GALNT13: variants seen among roughly 807,000 people sequenced by gnomAD.
GALNT13 encodes polypeptide N-acetylgalactosaminyltransferase 13.
A neutral mutation model predicts 64.2 loss-of-function variants in GALNT13; 28 were observed. The ratio of observed to expected loss-of-function variants is 0.44; its 90% CI spans 0.32 to 0.60. The LOEUF (loss-of-function observed/expected upper bound fraction) is 0.60, where lower values mean the gene tolerates loss of function less well. Ranked by LOEUF, GALNT13 falls within the 20% of genes least tolerant of loss-of-function variation. The probability of loss-of-function intolerance (pLI) is 0.05; values close to 1 mark genes in which losing one functional copy is unlikely to be tolerated. For missense variants in GALNT13, 577 were observed against 669.8 expected (o/e 0.86, Z 1.53); for synonymous variants, 214 against 224.6 (o/e 0.95, Z 0.42).
chr2:153,158,836 G>C, the GALNT13 span: 2 of 152,236 alleles, frequency 1.3e-5, no homozygotes, highest in Admixed American at 6.5e-5. Context: ...AGCTGAGACA[G>C]AATGATGTTC....
chr2:153,777,027 C>T, the GALNT13 span, among the ~76,000 whole-genome samples: 5 of 151,744 alleles, frequency 3.3e-5, no homozygotes, highest in African/African-American at 1.2e-4. Context: ...AGTGTTTTTC[C>T]TGTTTTTTGT....
the GALNT13 span, among the ~76,000 whole-genome samples, chr2:153,438,355 G>C: frequency 6.6e-6 from 1 of 152,108 alleles, no homozygotes; most frequent in African/African-American, 2.4e-5. Context: ...TGTATTTCCT[G>C]AACTTGAGTG....
At chr2:153,617,687 C>CT in the GALNT13 span, among the ~76,000 whole-genome samples, 369 of 150,030 alleles carry the variant, frequency 2.5e-3, no homozygotes, top group African/African-American at 6.5e-3. Context: ...GGGTCCCAGG[C>CT]TTTTTTTTTA....
chr2:153,421,731 G>T, the GALNT13 span: 56 of 266,936 alleles, frequency 2.1e-4, no homozygotes, highest in Non-Finnish European at 4.0e-4. Context: ...AGGTGCCAGT[G>T]CAAACTTCAT....
At chr2:153,207,906 C>A in the GALNT13 span, among the ~76,000 whole-genome samples, 3 of 152,094 alleles carry the variant, frequency 2.0e-5, no homozygotes, top group South Asian at 2.1e-4. Flanking sequence ...AAGAGACAAC[C>A]TTTTCTTGCC....
At chr2:153,556,611 C>A in the GALNT13 span, among the ~76,000 whole-genome samples, 1 of 152,136 alleles carries the variant, frequency 6.6e-6, no homozygotes, top group South Asian at 2.1e-4. Context: ...CTTTTTCAAG[C>A]CATATTCTGA....
the GALNT13 span, among the ~76,000 whole-genome samples, chr2:153,209,069 C>A: frequency 2.0e-5 from 3 of 148,516 alleles, no homozygotes; most frequent in African/African-American, 4.9e-5. Context: ...AACTCTGCCT[C>A]CCGGTTCACG....
At chr2:153,251,627 C>A in the GALNT13 span, among the ~76,000 whole-genome samples, 4 of 117,840 alleles carry the variant, frequency 3.4e-5, no homozygotes, top group Admixed American at 1.0e-4. Context: ...CCCCTCCCCC[C>A]ACCCCACCAC....
intron 4 of GALNT13, among the ~76,000 whole-genome samples, chr2:154,202,318 A>C: frequency 6.6e-6 from 1 of 152,086 alleles, no homozygotes; most frequent in Non-Finnish European, 1.5e-5. Flanking sequence ...ACATATAGTA[A>C]GTACTGTATG....
intron 9 of GALNT13, among the ~76,000 whole-genome samples, chr2:154,335,458 G>A (rs1695392026): frequency 1.3e-5 from 2 of 151,868 alleles, no homozygotes; most frequent in Non-Finnish European, 2.9e-5. Context: ...AGGGGGTGGG[G>A]AATTTTCTGC....
At chr2:153,664,795 C>T in the GALNT13 span, among the ~76,000 whole-genome samples, 3 of 152,150 alleles carry the variant, frequency 2.0e-5, no homozygotes, top group African/African-American at 7.2e-5. Flanking sequence ...TGACTTCCCG[C>T]AACAATGAGT....
At chr2:153,591,257 A>C in the GALNT13 span, among the ~76,000 whole-genome samples, 1 of 152,136 alleles carries the variant, frequency 6.6e-6, no homozygotes, top group Non-Finnish European at 1.5e-5. Flanking sequence ...CAAGGAGATA[A>C]AAAACCTCTA....
chr2:154,139,382 T>G (rs1167938520), intron 3 of GALNT13, among the ~76,000 whole-genome samples: 1 of 152,080 alleles, frequency 6.6e-6, no homozygotes, highest in Non-Finnish European at 1.5e-5. Flanking sequence ...ATGCTGTGCC[T>G]AAATATGTGC....
the GALNT13 span, among the ~76,000 whole-genome samples, chr2:153,072,412 C>T: frequency 6.6e-6 from 1 of 152,158 alleles, no homozygotes; most frequent in African/African-American, 2.4e-5. Context: ...ATCATTCTTC[C>T]TCCAAAAGGA....
intron 11 of GALNT13, among the ~76,000 whole-genome samples, chr2:154,416,164 T>C (rs529613525): frequency 4.9e-4 from 75 of 152,250 alleles, no homozygotes; most frequent in African/African-American, 1.7e-3. Context: ...GATGGAATGC[T>C]GTCTTAGTCT....
At chr2:153,412,662 GTGTT>G in the GALNT13 span, among the ~76,000 whole-genome samples, 1 of 152,184 alleles carries the variant, frequency 6.6e-6, no homozygotes, top group Non-Finnish European at 1.5e-5. Flanking sequence ...TAAGGACTGA[GTGTT>G]TGTTTTTTGG....
At chr2:153,702,459 A>T in the GALNT13 span, among the ~76,000 whole-genome samples, 19 of 152,130 alleles carry the variant, frequency 1.2e-4, no homozygotes, top group African/African-American at 4.6e-4. Context: ...GTATCCCAGA[A>T]ATTAAATAAA....
chr2:153,131,550 C>G, the GALNT13 span, among the ~76,000 whole-genome samples: 3 of 152,038 alleles, frequency 2.0e-5, no homozygotes, highest in Non-Finnish European at 4.4e-5. Flanking sequence ...ATTGAGGACT[C>G]AAAGTCTCCT....
Position 154,069,498 on chromosome 2 carries a change from G to T in GALNT13, c.143-70839G>T, listed in dbSNP as rs150230901. Among the ~76,000 whole-genome samples the T allele has an allele frequency of 7.2e-3, 1,087 of 151,960 alleles. 17 individuals are homozygous for T. Among genetic ancestry groups the T allele is most frequent in the African/African-American group, 0.025 (1,046 of 41,508 alleles). On this transcript the variant is annotated intron_variant, in intron 3 of 12. Coordinates refer to ENST00000392825, the MANE Select transcript of GALNT13 (RefSeq NM_052917.4). Reference sequence around the variant, plus strand: ...CTGCTTAGAGAATTTAATGAACAGAGAAATAAATGGAGATCATCTATAAAT... The same window carrying T: ...CTGCTTAGAGAATTTAATGAACAGATAAATAAATGGAGATCATCTATAAAT...
Sources: allele counts gnomAD v4.1 joint callset (sites outside exome capture counted in the v4.1 genomes callset), GRCh38; gene constraint gnomAD v4.1.1; transcripts MANE v1.5; gene names NCBI Gene and HGNC (gene_info 2026-07-23, HGNC 2026-07-21).